The following CRYL1 variants were observed in gnomAD, a reference collection of about 807,000 sequenced individuals.
The protein encoded by CRYL1 is lambda-crystallin homolog.
CRYL1 carries 29 observed loss-of-function variants against 36.6 expected under a neutral mutation model. That is an observed-to-expected ratio of 0.79 (90% CI 0.59 to 1.08). CRYL1 has a LOEUF of 1.08. Ranked by LOEUF, CRYL1 falls within the 50% of genes least tolerant of loss-of-function variation. The probability of loss-of-function intolerance (pLI) is 0.00; values close to 1 mark genes in which losing one functional copy is unlikely to be tolerated. For missense variants in CRYL1, 411 were observed against 407.9 expected, an observed-to-expected ratio of 1.01 and a Z score of -0.06; for synonymous variants, 152 against 151.5, an observed-to-expected ratio of 1.00 and a Z score of -0.02.
intron 3 of CRYL1, among the ~76,000 whole-genome samples, chr13:20,446,247 G>C (rs1209438728): frequency 6.6e-6 from 1 of 152,158 alleles, no homozygotes; most frequent in African/African-American, 2.4e-5. Flanking sequence ...GAGTAGCTAG[G>C]ATTATAGGCC....
chr13:20,416,874 A>G (rs1049733043), intron 5 of CRYL1, among the ~76,000 whole-genome samples: 1 of 152,152 alleles, frequency 6.6e-6, no homozygotes, highest in African/African-American at 2.4e-5. Context: ...CATTCCCTCC[A>G]ACTCCCATGT....
intron 4 of CRYL1, among the ~76,000 whole-genome samples, chr13:20,437,877 A>G (rs2032266010): frequency 6.6e-6 from 1 of 152,204 alleles, no homozygotes; most frequent in Non-Finnish European, 1.5e-5. Context: ...AGAAGCAAGA[A>G]CATGGGTTAG....
intron 2 of CRYL1, among the ~76,000 whole-genome samples, chr13:20,496,085 C>T (rs1053047864): frequency 2.0e-5 from 3 of 152,088 alleles, no homozygotes; most frequent in Admixed American, 2.0e-4. Flanking sequence ...ACAGGTGTGA[C>T]CCACCTCGCC....
At chr13:20,453,986 T>A (rs2032624872) in intron 3 of CRYL1, among the ~76,000 whole-genome samples, 1 of 152,210 alleles carries the variant, frequency 6.6e-6, no homozygotes. Flanking sequence ...AGTCTATTTA[T>A]AGGAAAGTAA....
At chr13:20,503,538 T>C (rs557076712) in intron 2 of CRYL1, among the ~76,000 whole-genome samples, 1 of 152,246 alleles carries the variant, frequency 6.6e-6, no homozygotes, top group South Asian at 2.1e-4. Context: ...CGAACGAATC[T>C]CAATGCACAT....
At chr13:20,455,056 A>G (rs1260935281) in intron 3 of CRYL1, among the ~76,000 whole-genome samples, 1 of 152,224 alleles carries the variant, frequency 6.6e-6, no homozygotes, top group African/African-American at 2.4e-5. Flanking sequence ...CAAAGAATCT[A>G]TGAAGAAGTC....
At chr13:20,455,366 C>T (rs9315587) in intron 3 of CRYL1, among the ~76,000 whole-genome samples, 2 of 120,918 alleles carry the variant, frequency 1.7e-5, no homozygotes, top group African/African-American at 3.1e-5. Flanking sequence ...ACTCAAGCTA[C>T]ACCATAATCA....
intron 1 of CRYL1, among the ~76,000 whole-genome samples, chr13:20,518,877 C>G (rs1007893343): frequency 3.9e-5 from 6 of 152,172 alleles, no homozygotes; most frequent in African/African-American, 1.4e-4. Flanking sequence ...AAATGGAGGA[C>G]AGTGCCAAGT....
chr13:20,521,137 AGAAG>A (rs1434576094), intron 1 of CRYL1, among the ~76,000 whole-genome samples: 3 of 23,480 alleles, frequency 1.3e-4, no homozygotes, highest in African/African-American at 1.8e-4. Context: ...AAAGAAAGAA[AGAAG>A]GAAGAAAGGA....
intron 3 of CRYL1, among the ~76,000 whole-genome samples, chr13:20,460,384 T>A (rs552024565): frequency 6.6e-6 from 1 of 152,268 alleles, no homozygotes; most frequent in Non-Finnish European, 1.5e-5. Context: ...GCCAAATTAT[T>A]CTCTTAAAGT....
At chr13:20,523,816 A>T (rs1424216832) in intron 1 of CRYL1, among the ~76,000 whole-genome samples, 2 of 152,206 alleles carry the variant, frequency 1.3e-5, no homozygotes, top group Non-Finnish European at 2.9e-5. Context: ...CTAATTCCTT[A>T]TCAACATCCC....
intron 2 of CRYL1, among the ~76,000 whole-genome samples, chr13:20,511,210 G>A (rs963803771): frequency 2.6e-5 from 4 of 151,936 alleles, no homozygotes; most frequent in Middle Eastern, 3.2e-3. Context: ...TCAGCCTCCC[G>A]AGTAGCTAGG....
At chr13:20,460,276 G>GTA (rs2032780450) in intron 3 of CRYL1, among the ~76,000 whole-genome samples, 1 of 152,110 alleles carries the variant, frequency 6.6e-6, no homozygotes, top group African/African-American at 2.4e-5. Flanking sequence ...TATATACATA[G>GTA]ATATAAATGC....
rs532932998 is a variant in CRYL1 at position 20,432,418 on chromosome 13, G to T, written c.439-122C>A. The T allele has an allele frequency of 1.9e-4, 112 of 601,110 alleles. No homozygotes were observed. The African/African-American group carries it at 2.0e-3, about 11-fold the overall frequency. The allele number at this position is 601,110 out of a possible 1,614,324, so 37.2% of individuals were successfully genotyped here. ...TGGAATGGTGCCTTTAGATTCAGTG[G>T]CCAACAACAAGATACTTGAGAAAGA... On this transcript the variant is annotated intron_variant, in intron 4 of 7. Transcript: ENST00000298248.
intron 1 of CRYL1, among the ~76,000 whole-genome samples, chr13:20,521,145 GAAAGGAAGGAAGGAAC>G (rs1565993115): frequency 1.9e-4 from 4 of 21,614 alleles, no homozygotes; most frequent in Non-Finnish European, 2.2e-4. Context: ...AAAGAAGGAA[GAAAGGAAGGAAGGAAC>G]GAACGAACGA....
chr13:20,467,845 G>T (rs145217403), intron 3 of CRYL1, among the ~76,000 whole-genome samples: 2 of 152,140 alleles, frequency 1.3e-5, no homozygotes, highest in African/African-American at 2.4e-5. Flanking sequence ...GACTGGTACC[G>T]GTCCCTGGCC....
intron 1 of CRYL1, among the ~76,000 whole-genome samples, chr13:20,518,007 T>C (rs919685101): frequency 7.3e-5 from 11 of 151,054 alleles, no homozygotes; most frequent in Admixed American, 5.3e-4. Context: ...GTAAACTCTA[T>C]GCACCAGGAA....
At chr13:20,485,648 AAC>A (rs2033380697) in intron 3 of CRYL1, among the ~76,000 whole-genome samples, 1 of 150,292 alleles carries the variant, frequency 6.7e-6, no homozygotes, top group Admixed American at 6.6e-5. Flanking sequence ...CAGCCTGGAC[AAC>A]AGAGCCAGAC....
At chr13:20,476,343 A>G (rs2033166989) in intron 3 of CRYL1, among the ~76,000 whole-genome samples, 1 of 147,606 alleles carries the variant, frequency 6.8e-6, no homozygotes, top group African/African-American at 2.6e-5. Flanking sequence ...TGACAGAGCA[A>G]AACTCCATCT....
Sources: allele counts gnomAD v4.1 joint callset (sites outside exome capture counted in the v4.1 genomes callset), GRCh38; gene constraint gnomAD v4.1.1; transcripts MANE v1.5; gene names NCBI Gene and HGNC (gene_info 2026-07-23, HGNC 2026-07-21).